TENT4B: variants seen among roughly 807,000 people sequenced by gnomAD.
The protein encoded by TENT4B is PAP associated domain containing 5.
Under a neutral mutation model 75.0 loss-of-function variants are expected in TENT4B, and 10 were observed. That is an observed-to-expected ratio of 0.13 (90% CI 0.08 to 0.23). TENT4B has a LOEUF of 0.23. TENT4B is among the 10% of genes least tolerant of loss of function. The pLI is 1.00. For missense variants in TENT4B, 579 were observed against 893.8 expected, an observed-to-expected ratio of 0.65 and a Z score of 4.49; for synonymous variants, 350 against 357.7, an observed-to-expected ratio of 0.98 and a Z score of 0.24.
At chr16:50,152,939 G>A (rs965349917), upstream of TENT4B, 2 of 1,502,200 alleles carry the variant, frequency 1.3e-6, no homozygotes, top group Admixed American at 2.1e-5. Flanking sequence ...CCTGCGGGGC[G>A]GGCGGCAACC....
upstream of TENT4B, chr16:50,153,094 C>A: frequency 7.6e-7 from 1 of 1,323,408 alleles, no homozygotes; most frequent in South Asian, 1.6e-5. Context: ...GCGGCCCCGT[C>A]GCGCCGCGGC....
Position 50,229,216 on chromosome 16 carries a change from A to G in TENT4B, c.2030A>G (p.His677Arg), listed in dbSNP as rs764740884. The G allele has an allele frequency of 4.3e-6, 7 of 1,614,012 alleles. No individual in the cohort carries two copies. Among genetic ancestry groups the G allele is most frequent in the Non-Finnish European group, 5.1e-6 (6 of 1,179,896 alleles). ...TTCCAAGGTACAACTCAAACAAGCC[A>G]TGGTTCCTTGATGACAAACAAACAA... ...KGFQGTTQTS[H>R]GSLMTNKQHQ... Residue 677 changes from histidine to arginine, a missense_variant, in exon 12 of 12, where the codon CAT (histidine) becomes CGT (arginine). Coordinates refer to ENST00000561678, the MANE Select transcript of TENT4B (RefSeq NM_001365324.3).
At chr16:50,153,092 G>T, upstream of TENT4B, 2 of 1,325,628 alleles carry the variant, frequency 1.5e-6, no homozygotes, top group Middle Eastern at 2.1e-4. Context: ...TTGCGGCCCC[G>T]TCGCGCCGCG....
chr16:50,193,470 T>G (rs2029997362), intron 1 of TENT4B, among the ~76,000 whole-genome samples: 1 of 151,546 alleles, frequency 6.6e-6, no homozygotes, highest in Admixed American at 6.6e-5. Flanking sequence ...CCCGAGTAGC[T>G]GGGACTACAG....
intron 1 of TENT4B, among the ~76,000 whole-genome samples, chr16:50,173,997 A>T (rs1318155643): frequency 1.3e-5 from 2 of 151,302 alleles, no homozygotes; most frequent in Non-Finnish European, 2.9e-5. Flanking sequence ...CCTGGCTTTC[A>T]TCTGCTTATT....
intron 1 of TENT4B, among the ~76,000 whole-genome samples, chr16:50,204,493 G>C (rs1157266095): frequency 2.0e-5 from 3 of 152,174 alleles, no homozygotes; most frequent in Non-Finnish European, 4.4e-5. Context: ...TTTAGTTCGA[G>C]GTGACATCTT....
In TENT4B at chr16:50,183,026, A is replaced by T. The variant is rs372301981; in HGVS notation, c.639-28297A>T. On this transcript the variant is annotated intron_variant, in intron 1 of 11. Coordinates refer to ENST00000561678, the MANE Select transcript of TENT4B (RefSeq NM_001365324.3). The stretch of plus-strand genomic sequence containing the variant: ...GCAGCACCACACCCGGCTTTCTTGT[A>T]TTTTTTTTTTATTTTTATTTATTTA... Among the ~76,000 whole-genome samples, 365 of 128,908 alleles carry T rather than the reference A, an allele frequency of 2.8e-3. 2 individuals are homozygous for T. The highest frequency in any genetic ancestry group is 5.2e-3 in the Admixed American group (62 of 11,984). 84.6% of individuals were successfully genotyped at this position (128,908 alleles called of 152,430 possible).
chr16:50,173,682 TTTG>T (rs576792685), intron 1 of TENT4B, among the ~76,000 whole-genome samples: 3 of 152,094 alleles, frequency 2.0e-5, no homozygotes, highest in Non-Finnish European at 1.5e-5. Flanking sequence ...CATCTGCTTA[TTTG>T]TTGTTGTTGT....
chr16:50,226,458 G>A (rs779270915), intron 10 of TENT4B, among the ~76,000 whole-genome samples: 1 of 152,072 alleles, frequency 6.6e-6, no homozygotes, highest in Non-Finnish European at 1.5e-5. Context: ...TTGAGACGGA[G>A]TCTCGCTCTG....
chr16:50,220,881 G>T (rs1596747002), intron 5 of TENT4B, among the ~76,000 whole-genome samples: 1 of 151,988 alleles, frequency 6.6e-6, no homozygotes, highest in Non-Finnish European at 1.5e-5. Context: ...TCCTATGCTT[G>T]CTTAGTTTGA....
chr16:50,178,583 T>C, intron 1 of TENT4B, among the ~76,000 whole-genome samples: 1 of 152,020 alleles, frequency 6.6e-6, no homozygotes, highest in Admixed American at 6.6e-5. Flanking sequence ...ATAGATAATA[T>C]GTGGTGTATG....
chr16:50,225,524 CT>C (rs2032010128), intron 10 of TENT4B, among the ~76,000 whole-genome samples: 1 of 152,136 alleles, frequency 6.6e-6, no homozygotes, highest in African/African-American at 2.4e-5. Context: ...TGCTATTAAC[CT>C]TTTACTTGCT....
intron 1 of TENT4B, among the ~76,000 whole-genome samples, chr16:50,158,622 T>A (rs905987306): frequency 1.1e-4 from 16 of 152,192 alleles, no homozygotes; most frequent in South Asian, 2.1e-4. Context: ...GTCCAGAAAC[T>A]TCTTCTGGAA....
intron 1 of TENT4B, among the ~76,000 whole-genome samples, chr16:50,206,537 A>C (rs1318830074): frequency 6.6e-6 from 1 of 152,036 alleles, no homozygotes; most frequent in East Asian, 1.9e-4. Context: ...CTGGACCTTG[A>C]TGTGGAGGTG....
In TENT4B at chr16:50,174,441, ATTCT is replaced by A. The variant is rs575556149; in HGVS notation, c.638+20185_638+20188del. On this transcript the variant is annotated intron_variant, in intron 1 of 11. Coordinates refer to ENST00000561678, the MANE Select transcript of TENT4B (RefSeq NM_001365324.3). The stretch of plus-strand genomic sequence containing the variant: ...GTTCTTTGTATATGTGTATTTTTTG[ATTCT>A]TTTAAAATTAATACTTAATAAAATA... Among the ~76,000 whole-genome samples, 6 of 152,154 alleles carry A rather than the reference ATTCT, an allele frequency of 3.9e-5. No individual in the cohort carries two copies. The South Asian group carries it at 1.2e-3, about 32-fold the overall frequency.
At chr16:50,225,323 C>T (rs1333526594) in intron 10 of TENT4B, 38 bp downstream of exon 10, 1 of 1,554,214 alleles carries the variant, frequency 6.4e-7, no homozygotes, top group African/African-American at 1.4e-5. Context: ...AACTCAGATG[C>T]ATGCACGTTC....
intron 1 of TENT4B, among the ~76,000 whole-genome samples, chr16:50,190,223 ATC>A (rs1303690962): frequency 6.6e-6 from 1 of 152,002 alleles, no homozygotes; most frequent in Non-Finnish European, 1.5e-5. Flanking sequence ...TCAGCGATGT[ATC>A]TCTGCTGATC....
chr16:50,176,021 G>A (rs564121092), intron 1 of TENT4B, among the ~76,000 whole-genome samples: 1 of 151,610 alleles, frequency 6.6e-6, no homozygotes, highest in African/African-American at 2.4e-5. Flanking sequence ...GGGCTGAAAT[G>A]CCCCTCCTAC....
intron 1 of TENT4B, among the ~76,000 whole-genome samples, chr16:50,207,553 A>G (rs1210285057): frequency 6.6e-6 from 1 of 152,220 alleles, no homozygotes; most frequent in African/African-American, 2.4e-5. Flanking sequence ...ATACAGGTTC[A>G]GATCACGGAA....
Sources: gnomAD v4.1 joint callset for allele counts (sites outside exome capture counted in the v4.1 genomes callset) on GRCh38, gnomAD v4.1.1 for gene constraint, MANE v1.5 for transcripts, NCBI Gene and HGNC (gene_info 2026-07-23, HGNC 2026-07-21) for gene names.